The following DPP10 variants were observed in gnomAD, a reference collection of about 807,000 sequenced individuals.
DPP10 encodes dipeptidyl peptidase like 10.
In DPP10, 33 loss-of-function variants were observed where a neutral mutation model predicts 120.9. The ratio of observed to expected loss-of-function variants is 0.27; its 90% CI spans 0.21 to 0.37. DPP10 has a LOEUF of 0.37. Among genes scored for constraint, DPP10 ranks in the 10% least tolerant of loss-of-function variants. The pLI, the probability that DPP10 is intolerant of heterozygous loss-of-function variation, is 1.00. For missense variants in DPP10, 816 were observed against 942.8 expected, an observed-to-expected ratio of 0.87 and a Z score of 1.76; for synonymous variants, 337 against 326.1, an observed-to-expected ratio of 1.03 and a Z score of -0.36.
chr2:114,838,526 G>T (rs1045822894), intron 1 of DPP10, among the ~76,000 whole-genome samples: 1 of 152,078 alleles, frequency 6.6e-6, no homozygotes, highest in Non-Finnish European at 1.5e-5. Context: ...TGTTGGTAAA[G>T]TTGGTCTTGA....
intron 1 of DPP10, among the ~76,000 whole-genome samples, chr2:114,528,618 G>A (rs1034267304): frequency 6.6e-6 from 1 of 151,238 alleles, no homozygotes; most frequent in Non-Finnish European, 1.5e-5. Context: ...TAGCTTGATG[G>A]TTCATATAGA....
chr2:115,106,633 AT>A (rs141868996), intron 1 of DPP10, among the ~76,000 whole-genome samples: 3 of 150,534 alleles, frequency 2.0e-5, no homozygotes, highest in African/African-American at 7.3e-5. Context: ...CTAATTTTAC[AT>A]TTTTTTTTCT....
At chr2:115,412,361 C>T (rs917987811) in intron 3 of DPP10, among the ~76,000 whole-genome samples, 2 of 152,024 alleles carry the variant, frequency 1.3e-5, no homozygotes, top group African/African-American at 4.8e-5. Flanking sequence ...AACTTTTTAC[C>T]ACCCATGTTT....
intron 1 of DPP10, among the ~76,000 whole-genome samples, chr2:114,625,272 G>T (rs1694423694): frequency 6.6e-6 from 1 of 151,900 alleles, no homozygotes; most frequent in African/African-American, 2.4e-5. Flanking sequence ...TATCTTTGAG[G>T]TGTCTTTAAC....
chr2:115,305,075 A>C (rs538855439), intron 1 of DPP10, among the ~76,000 whole-genome samples: 1 of 152,074 alleles, frequency 6.6e-6, no homozygotes, highest in Non-Finnish European at 1.5e-5. Flanking sequence ...TGATGCATCC[A>C]TCCACCGGGG....
At chr2:115,165,893 A>G (rs1412267213) in intron 1 of DPP10, among the ~76,000 whole-genome samples, 2 of 152,228 alleles carry the variant, frequency 1.3e-5, no homozygotes, top group Non-Finnish European at 1.5e-5. Context: ...CTATTTGACT[A>G]CAAAGACAGC....
intron 5 of DPP10, among the ~76,000 whole-genome samples, chr2:115,672,718 T>TTCTTTCTCTTTCTC (rs1294432919): frequency 2.6e-5 from 3 of 115,744 alleles, no homozygotes; most frequent in African/African-American, 6.0e-5. Context: ...TTCTCTTTCT[T>TTCTTTCTCTTTCTC]TCTCTTTCTC....
At chr2:115,309,643 A>G (rs1480382812) in intron 2 of DPP10, among the ~76,000 whole-genome samples, 2 of 152,094 alleles carry the variant, frequency 1.3e-5, no homozygotes, top group Non-Finnish European at 2.9e-5. Flanking sequence ...TGTTAGTTTG[A>G]TAAATGCAGA....
intron 3 of DPP10, among the ~76,000 whole-genome samples, chr2:115,431,126 T>G (rs183273308): frequency 6.6e-6 from 1 of 152,208 alleles, no homozygotes; most frequent in East Asian, 1.9e-4. Flanking sequence ...CTTCATGAAC[T>G]AATATAGCTC....
At chr2:115,318,760 C>G (rs2061919610) in intron 2 of DPP10, among the ~76,000 whole-genome samples, 3 of 151,892 alleles carry the variant, frequency 2.0e-5, no homozygotes, top group Admixed American at 2.0e-4. Flanking sequence ...TAGTGTTGAC[C>G]TTGTACTCTT....
intron 5 of DPP10, among the ~76,000 whole-genome samples, chr2:115,629,599 G>A (rs1156343384): frequency 6.6e-6 from 1 of 152,112 alleles, no homozygotes; most frequent in Non-Finnish European, 1.5e-5. Flanking sequence ...TTTTTTGGCT[G>A]CATAAATGTC....
chr2:115,255,067 C>A (rs947973697), intron 1 of DPP10, among the ~76,000 whole-genome samples: 1 of 152,202 alleles, frequency 6.6e-6, no homozygotes, highest in African/African-American at 2.4e-5. Flanking sequence ...CATTTGCCTT[C>A]CACACTGCCG....
At chr2:115,465,159 T>C (rs2074242571) in intron 3 of DPP10, among the ~76,000 whole-genome samples, 1 of 152,178 alleles carries the variant, frequency 6.6e-6, no homozygotes, top group African/African-American at 2.4e-5. Context: ...CTATTACTTA[T>C]ATAGGTATTG....
chr2:115,597,423 A>G (rs2149200938), intron 5 of DPP10, among the ~76,000 whole-genome samples: 1 of 152,198 alleles, frequency 6.6e-6, no homozygotes, highest in Non-Finnish European at 1.5e-5. Context: ...TTAAGAAAGG[A>G]AGCAAACGTA....
intron 1 of DPP10, among the ~76,000 whole-genome samples, chr2:115,305,922 A>G (rs1025820835): frequency 1.3e-5 from 2 of 152,070 alleles, no homozygotes; most frequent in Non-Finnish European, 2.9e-5. Context: ...TTCATGACAT[A>G]ATGAATGATG....
intron 1 of DPP10, among the ~76,000 whole-genome samples, chr2:114,844,252 G>A (rs1391809640): frequency 6.6e-6 from 1 of 151,994 alleles, no homozygotes; most frequent in Non-Finnish European, 1.5e-5. Flanking sequence ...TTGATGTGTG[G>A]AACAACTCTG....
chr2:114,647,688 G>C (rs145531430), intron 1 of DPP10, among the ~76,000 whole-genome samples: 1 of 151,400 alleles, frequency 6.6e-6, no homozygotes, highest in South Asian at 2.1e-4. Context: ...CTATGATGAT[G>C]ATTCTGGTTG....
intron 3 of DPP10, among the ~76,000 whole-genome samples, chr2:115,492,091 A>G (rs2076155419): frequency 6.6e-6 from 1 of 151,786 alleles, no homozygotes; most frequent in Non-Finnish European, 1.5e-5. Flanking sequence ...AAATAAGTAC[A>G]TATATATATA....
intron 1 of DPP10, among the ~76,000 whole-genome samples, chr2:115,187,742 C>T (rs532472774): frequency 6.6e-6 from 1 of 152,264 alleles, no homozygotes; most frequent in African/African-American, 2.4e-5. Context: ...TGGCTCTCGC[C>T]TGTCATCCCA....
Sources: allele counts gnomAD v4.1 joint callset (sites outside exome capture counted in the v4.1 genomes callset), GRCh38; gene constraint gnomAD v4.1.1; transcripts MANE v1.5; gene names NCBI Gene and HGNC (gene_info 2026-07-23, HGNC 2026-07-21).